Variants in C12orf42 observed in about 807,000 individuals in gnomAD.
C12orf42 encodes uncharacterized protein C12orf42.
C12orf42 carries 25 observed loss-of-function variants against 21.6 expected under a neutral mutation model. That is an observed-to-expected ratio of 1.16 (90% confidence interval 0.84 to 1.62). C12orf42 has a LOEUF of 1.62. Ranked by LOEUF, C12orf42 falls within the 40% of genes most tolerant of loss-of-function variation. C12orf42 has a pLI of 0.00. For missense variants in C12orf42, 483 were observed against 459.3 expected (o/e 1.05, Z -0.47); for synonymous variants, 174 against 175.0 (o/e 0.99, Z 0.05).
chr12:103,445,862 T>C (rs937357718), intron 2 of C12orf42, among the ~76,000 whole-genome samples: 2 of 152,034 alleles, frequency 1.3e-5, no homozygotes, highest in African/African-American at 4.8e-5. Flanking sequence ...TTGTCTTTTA[T>C]AAATGTTAGA....
the C12orf42 span, among the ~76,000 whole-genome samples, chr12:103,515,829 T>C: frequency 6.6e-6 from 1 of 152,210 alleles, no homozygotes; most frequent in Non-Finnish European, 1.5e-5. Flanking sequence ...ATCTATTTTT[T>C]AAAAGAAAGA....
intron 5 of C12orf42, chr12:103,273,727 A>C (rs1183099758): frequency 2.4e-6 from 1 of 409,562 alleles, no homozygotes; most frequent in Non-Finnish European, 4.9e-6. Flanking sequence ...AAATTAGGGA[A>C]AAGAAGAAGG....
chr12:103,196,256 G>A, the C12orf42 span, among the ~76,000 whole-genome samples: 1 of 152,028 alleles, frequency 6.6e-6, no homozygotes, highest in Non-Finnish European at 1.5e-5. Context: ...AGATCTTCTT[G>A]CTGTTGATTT....
intron 2 of C12orf42, among the ~76,000 whole-genome samples, chr12:103,422,020 T>C (rs2049960976): frequency 6.6e-6 from 1 of 152,206 alleles, no homozygotes; most frequent in Non-Finnish European, 1.5e-5. Flanking sequence ...AATGAAGTAT[T>C]GAACTTGATT....
the C12orf42 span, among the ~76,000 whole-genome samples, chr12:103,139,854 C>G: frequency 6.6e-6 from 1 of 151,970 alleles, no homozygotes; most frequent in Non-Finnish European, 1.5e-5. Flanking sequence ...GCAAATATGC[C>G]CAAAATATTT....
rs114501799 is a variant in C12orf42, at chr12:103,295,863, A to T, written n.338-18653T>A. On this transcript the variant is annotated intron_variant and non_coding_transcript_variant, in intron 4 of 6. Coordinates refer to the C12orf42 transcript ENST00000546526. ...AAAAACATGTAATCCCAATTTTTTT[A>T]AATTTTTTTTTAAATTATACTTTAA... Among the ~76,000 whole-genome samples the T allele has an allele frequency of 4.7e-3, 714 of 152,126 alleles. 8 individuals carry two copies. The highest frequency in any genetic ancestry group is 0.016 in the African/African-American group (678 of 41,524).
At chr12:103,128,306 T>C in the C12orf42 span, among the ~76,000 whole-genome samples, 1 of 152,130 alleles carries the variant, frequency 6.6e-6, no homozygotes, top group African/African-American at 2.4e-5. Flanking sequence ...ACTGACTTTA[T>C]AAATCTTTAT....
the C12orf42 span, among the ~76,000 whole-genome samples, chr12:103,160,750 AAATACAGTTCTGG>A: frequency 6.6e-6 from 1 of 152,210 alleles, no homozygotes; most frequent in South Asian, 2.1e-4. Context: ...GCTTTGGGGA[AAATACAGTTCTGG>A]AACACAACTA....
intron 2 of C12orf42, among the ~76,000 whole-genome samples, chr12:103,438,019 C>T (rs1018695047): frequency 1.6e-4 from 24 of 151,252 alleles, no homozygotes; most frequent in African/African-American, 5.8e-4. Context: ...AAAATACTGG[C>T]AAACCGAATC....
At chr12:103,473,330 G>A (rs1953773145) in intron 2 of C12orf42, among the ~76,000 whole-genome samples, 1 of 152,128 alleles carries the variant, frequency 6.6e-6, no homozygotes, top group Non-Finnish European at 1.5e-5. Flanking sequence ...AAACCAATAG[G>A]CTTTGATCCT....
chr12:103,338,547 T>C (rs897504030), intron 4 of C12orf42, among the ~76,000 whole-genome samples: 2 of 152,276 alleles, frequency 1.3e-5, no homozygotes, highest in African/African-American at 4.8e-5. Flanking sequence ...ATTCTTGCAG[T>C]GCATTTAATC....
the C12orf42 span, among the ~76,000 whole-genome samples, chr12:103,102,786 G>A: frequency 1.1e-4 from 17 of 152,238 alleles, no homozygotes; most frequent in Admixed American, 3.3e-4. Context: ...TCTCTACTCA[G>A]GGTCTCATGA....
rs60001902 is a variant in C12orf42 at position 103,329,554 on chromosome 12, T to A, written c.260-23209A>T. On this transcript the variant is annotated intron_variant, in intron 4 of 5. Coordinates refer to ENST00000548883, the MANE Select transcript of C12orf42 (RefSeq NM_198521.5). ...CCAGAACTTAAAGTAAAATAAAAAT[T>A]AAAATTAAAAAAAGAATTAAAAATC... Among the ~76,000 whole-genome samples, 1,741 of 148,464 alleles carry A rather than the reference T, an allele frequency of 0.012. 98 individuals are homozygous for A. In the East Asian group the frequency reaches 0.2, roughly 17 times the overall value.
the C12orf42 span, among the ~76,000 whole-genome samples, chr12:103,519,259 C>G: frequency 1.3e-5 from 2 of 152,144 alleles, no homozygotes; most frequent in East Asian, 3.9e-4. Context: ...TATAAATCAC[C>G]CAATCTCGAG....
intron 2 of C12orf42, among the ~76,000 whole-genome samples, chr12:103,416,596 C>T (rs1359091107): frequency 6.6e-6 from 1 of 151,174 alleles, no homozygotes; most frequent in East Asian, 1.9e-4. Context: ...TATTCACATA[C>T]ATGCTACATT....
At chr12:103,556,679 G>T in the C12orf42 span, among the ~76,000 whole-genome samples, 1 of 152,150 alleles carries the variant, frequency 6.6e-6, no homozygotes. Flanking sequence ...CACAGGTTCT[G>T]TATGGGTTGA....
the C12orf42 span, among the ~76,000 whole-genome samples, chr12:103,120,569 A>G: frequency 6.6e-6 from 1 of 152,132 alleles, no homozygotes; most frequent in African/African-American, 2.4e-5. Context: ...CTTAAGGAAC[A>G]TAAATCTATT....
intron 4 of C12orf42, among the ~76,000 whole-genome samples, chr12:103,335,721 G>T (rs1300034958): frequency 6.6e-6 from 1 of 152,154 alleles, no homozygotes; most frequent in African/African-American, 2.4e-5. Flanking sequence ...TCTTCAGTTT[G>T]CAGACCATCC....
intron 2 of C12orf42, among the ~76,000 whole-genome samples, chr12:103,469,745 G>C (rs1323937359): frequency 1.3e-5 from 2 of 152,168 alleles, no homozygotes; most frequent in Non-Finnish European, 2.9e-5. Context: ...ATAAAATCAA[G>C]TCAAATTGCT....
Sources: gnomAD v4.1 joint callset for allele counts (sites outside exome capture counted in the v4.1 genomes callset) on GRCh38, gnomAD v4.1.1 for gene constraint, MANE v1.5 for transcripts, NCBI Gene and HGNC (gene_info 2026-07-23, HGNC 2026-07-21) for gene names.